Variants in COXFA4L2 observed in about 807,000 individuals in gnomAD.
COXFA4L2 encodes the protein NADH dehydrogenase (ubiquinone) 1 alpha subcomplex, 4-like 2.
At chr12:57,235,422 C>T in the COXFA4L2 span, 4 of 901,572 alleles carry the variant, frequency 4.4e-6, no homozygotes, top group Non-Finnish European at 7.2e-6. Context: ...AGCAGCCTCC[C>T]CTCTGCGTGG....
At chr12:57,236,861 G>A in the COXFA4L2 span, among the ~76,000 whole-genome samples, 2 of 152,160 alleles carry the variant, frequency 1.3e-5, no homozygotes, top group Non-Finnish European at 2.9e-5. Context: ...CGTGTCCAAG[G>A]TAGTAGATTT....
At chr12:57,240,445 G>C in the COXFA4L2 span, 1 of 152,794 alleles carries the variant, frequency 6.5e-6, no homozygotes, top group East Asian at 1.9e-4. Flanking sequence ...TGGAGCGGAC[G>C]CGGCTGTTTC....
chr12:57,235,387 G>A, the COXFA4L2 span: 5 of 709,690 alleles, frequency 7.0e-6, no homozygotes, highest in African/African-American at 8.7e-5. Flanking sequence ...CCGCTGCTGG[G>A]AGCAAGGGAG....
At chr12:57,235,238 A>C in the COXFA4L2 span, 1 of 411,142 alleles carries the variant, frequency 2.4e-6, no homozygotes, top group Middle Eastern at 6.6e-4. Flanking sequence ...GGCCACGCTC[A>C]ACACGTAGCC....
chr12:57,237,033 G>T, the COXFA4L2 span: 2 of 1,614,186 alleles, frequency 1.2e-6, no homozygotes. Flanking sequence ...ACTCACCCCC[G>T]GATGTCTTTT....
the COXFA4L2 span, chr12:57,237,009 C>T: frequency 6.2e-7 from 1 of 1,614,070 alleles, no homozygotes; most frequent in South Asian, 1.1e-5. Context: ...GTTAGAGGTT[C>T]TGAGGTTCTG....
the COXFA4L2 span, chr12:57,235,011 G>A: frequency 6.3e-6 from 1 of 157,768 alleles, no homozygotes; most frequent in East Asian, 1.9e-4. Context: ...CAGGTGTGGG[G>A]CTGGAGGGGG....
chr12:57,239,411 GGT>G, the COXFA4L2 span: 5 of 152,376 alleles, frequency 3.3e-5, no homozygotes, highest in Non-Finnish European at 7.3e-5. The surrounding 1 kb of genome is among the most constrained non-coding windows in gnomAD (Gnocchi z 5.5). Flanking sequence ...CCACTCTTCT[GGT>G]GTGAGATGGG....
the COXFA4L2 span, chr12:57,240,205 G>A: frequency 2.0e-5 from 3 of 152,208 alleles, no homozygotes; most frequent in Non-Finnish European, 4.4e-5. Flanking sequence ...AGCGGAGCCG[G>A]GAGCTGCGCG....
chr12:57,239,953 G>T, the COXFA4L2 span: 1 of 152,304 alleles, frequency 6.6e-6, no homozygotes, highest in Non-Finnish European at 1.5e-5. The surrounding 1 kb of genome is among the most constrained non-coding windows in gnomAD (Gnocchi z 5.5). Context: ...CAACAGGGCA[G>T]CCCGGAGACG....
At chr12:57,237,614 C>T in the COXFA4L2 span, among the ~76,000 whole-genome samples, 1 of 152,180 alleles carries the variant, frequency 6.6e-6, no homozygotes, top group Admixed American at 6.5e-5. Context: ...GAAGACAGGC[C>T]CACACCGTAA....
chr12:57,236,941 C>G, the COXFA4L2 span: 1 of 1,558,894 alleles, frequency 6.4e-7, no homozygotes, highest in Non-Finnish European at 8.9e-7. Context: ...GCTGAGGGAC[C>G]TGGGCACAAG....
At chr12:57,237,504 G>A in the COXFA4L2 span, among the ~76,000 whole-genome samples, 3 of 152,234 alleles carry the variant, frequency 2.0e-5, no homozygotes, top group Admixed American at 6.5e-5. Context: ...TAAGGCCAGT[G>A]AGGGCATGTG....
the COXFA4L2 span, chr12:57,236,540 A>AC: frequency 6.9e-7 from 1 of 1,452,110 alleles, no homozygotes; most frequent in African/African-American, 1.4e-5. Context: ...GCCTATTTCC[A>AC]CCCCATCTTG....
the COXFA4L2 span, chr12:57,237,101 G>T: frequency 3.1e-6 from 5 of 1,614,214 alleles, no homozygotes; most frequent in Non-Finnish European, 4.2e-6. Context: ...TGTTTTCCCA[G>T]TCTGGTCCTC....
chr12:57,235,915 G>T, the COXFA4L2 span: 1 of 980,344 alleles, frequency 1.0e-6, no homozygotes, highest in Non-Finnish European at 1.4e-6. Context: ...CCCCACCCCA[G>T]TACCCCTGCC....
the COXFA4L2 span, chr12:57,236,674 G>A: frequency 3.8e-6 from 6 of 1,565,202 alleles, no homozygotes; most frequent in East Asian, 2.3e-5. Flanking sequence ...GCCGATCATC[G>A]GGATGATCTG....
chr12:57,235,578 G>C, the COXFA4L2 span: 1 of 1,614,036 alleles, frequency 6.2e-7, no homozygotes, highest in African/African-American at 1.3e-5. Context: ...AGTCTGGCCG[G>C]TCCTTCTTCA....
the COXFA4L2 span, chr12:57,236,410 G>C: frequency 1.9e-6 from 1 of 539,026 alleles, no homozygotes; most frequent in South Asian, 2.8e-5. Context: ...AGGAGTGAGC[G>C]GCCAGGTGGG....
Sources: gnomAD v4.1 joint callset for allele counts (sites outside exome capture counted in the v4.1 genomes callset) on GRCh38, gnomAD v4.1.1 for gene constraint, Gnocchi (gnomAD v3.1) non-coding constraint, MANE v1.5 for transcripts, NCBI Gene and HGNC (gene_info 2026-07-23, HGNC 2026-07-21) for gene names.